Variants in KIAA1217 observed in about 807,000 individuals in gnomAD.
KIAA1217 encodes KIAA1217, also known as sickle tail protein homolog.
Under a neutral mutation model 163.9 loss-of-function variants are expected in KIAA1217, and 88 were observed. That is an observed-to-expected ratio of 0.54 (90% CI 0.45 to 0.64). The LOEUF is 0.64. KIAA1217 is among the 30% of genes least tolerant of loss of function. The pLI is 0.00. For missense variants in KIAA1217, 2,372 were observed against 2,475.0 expected (o/e 0.96, Z 0.88); for synonymous variants, 903 against 923.1 (o/e 0.98, Z 0.39).
At chr10:23,846,580 A>AT (rs1450928882) in intron 1 of KIAA1217, among the ~76,000 whole-genome samples, 1 of 152,060 alleles carries the variant, frequency 6.6e-6, no homozygotes, top group Admixed American at 6.6e-5. Context: ...TTGCACATTG[A>AT]TTTTGTATCC....
intron 3 of KIAA1217, 73 bp downstream of exon 3, chr10:24,381,140 A>G: frequency 9.2e-7 from 1 of 1,091,582 alleles, no homozygotes; most frequent in Middle Eastern, 3.1e-4. Context: ...CTGAACCTAT[A>G]CTCTTTCATT....
At chr10:23,751,294 C>G (rs1022142540) in intron 1 of KIAA1217, among the ~76,000 whole-genome samples, 4 of 152,170 alleles carry the variant, frequency 2.6e-5, no homozygotes, top group Non-Finnish European at 1.5e-5. Flanking sequence ...TTCCAAAGTG[C>G]TGGGATTACA....
chr10:23,840,730 C>T (rs1266935519), intron 1 of KIAA1217, among the ~76,000 whole-genome samples: 6 of 152,184 alleles, frequency 3.9e-5, no homozygotes, highest in South Asian at 2.1e-4. Flanking sequence ...TTGTAAGTTA[C>T]AGTACATTCT....
chr10:23,929,838 G>T (rs976210617), intron 1 of KIAA1217, among the ~76,000 whole-genome samples: 4 of 152,126 alleles, frequency 2.6e-5, no homozygotes, highest in Admixed American at 6.5e-5. Flanking sequence ...GGGTTGCTGG[G>T]TCAGATGGTA....
intron 1 of KIAA1217, among the ~76,000 whole-genome samples, chr10:23,940,324 G>C (rs574297622): frequency 8.2e-4 from 125 of 152,074 alleles, no homozygotes; most frequent in Non-Finnish European, 1.5e-3. Flanking sequence ...GCCAGGTGTG[G>C]TGGCAGGTGC....
chr10:24,202,383 C>T (rs567366657), intron 2 of KIAA1217, among the ~76,000 whole-genome samples: 1 of 152,172 alleles, frequency 6.6e-6, no homozygotes, highest in Non-Finnish European at 1.5e-5. Flanking sequence ...GAGCAAAGCT[C>T]AGGGGAGAGA....
intron 1 of KIAA1217, among the ~76,000 whole-genome samples, chr10:23,943,859 T>G (rs1211294022): frequency 6.6e-6 from 1 of 152,210 alleles, no homozygotes; most frequent in Non-Finnish European, 1.5e-5. Flanking sequence ...TACCTACACA[T>G]GACGTGGAAA....
In KIAA1217 at chr10:24,521,879, T is replaced by C. The variant is rs757859656; in HGVS notation, c.2406T>C (p.Ser802=). 1.9e-6 allele frequency: 3 copies of C among 1,613,532 alleles called. No individual in the cohort carries two copies. The Admixed American group carries it at 5.0e-5, about 27-fold the overall frequency. The change falls in exon 12 of 21, where the codon AGT becomes AGC. Residue 802 remains serine, a synonymous_variant. Transcript: ENST00000376454. Reference sequence around the variant, plus strand: ...AGGAGGAGCCACACAAGCTGGACAGTCTCCTGAAGCGTGTGCGCAGCATGA... The same window carrying C: ...AGGAGGAGCCACACAAGCTGGACAGCCTCCTGAAGCGTGTGCGCAGCATGA... ...FLKEEPHKLD[S]LLKRVRSMTD...
intron 1 of KIAA1217, among the ~76,000 whole-genome samples, chr10:23,870,069 CT>C (rs1380059945): frequency 2.6e-5 from 4 of 151,988 alleles, no homozygotes; most frequent in Admixed American, 2.0e-4. Flanking sequence ...TGAAATGTAG[CT>C]TTTTGCCTAA....
intron 2 of KIAA1217, among the ~76,000 whole-genome samples, chr10:24,065,590 G>A (rs1056333752): frequency 1.8e-4 from 28 of 152,142 alleles, no homozygotes; most frequent in Non-Finnish European, 3.5e-4. Flanking sequence ...AATAGGTGTG[G>A]TGTGGTGCTG....
intron 2 of KIAA1217, among the ~76,000 whole-genome samples, chr10:24,012,898 C>A (rs911695275): frequency 2.0e-4 from 30 of 152,086 alleles, no homozygotes; most frequent in African/African-American, 7.2e-4. Flanking sequence ...TAAATCACAT[C>A]CTAACGCATA....
chr10:23,823,576 C>T (rs948583331), intron 1 of KIAA1217, among the ~76,000 whole-genome samples: 7 of 152,056 alleles, frequency 4.6e-5, no homozygotes, highest in Non-Finnish European at 1.0e-4. Flanking sequence ...TCCCTCTTGC[C>T]ATGTAATAAA....
At chr10:23,707,630 A>G (rs779921577) in intron 1 of KIAA1217, among the ~76,000 whole-genome samples, 7 of 152,188 alleles carry the variant, frequency 4.6e-5, no homozygotes, top group East Asian at 1.9e-4. Flanking sequence ...GTTAGATACA[A>G]TGTTCACTAT....
intron 1 of KIAA1217, among the ~76,000 whole-genome samples, chr10:23,824,658 A>AAT (rs1199680251): frequency 0.032 from 1,668 of 52,796 alleles, 97 homozygotes; most frequent in Middle Eastern, 0.045. Context: ...AAATAAAAAA[A>AAT]ATATATATAT....
chr10:24,352,569 T>C (rs1296190915), intron 2 of KIAA1217, among the ~76,000 whole-genome samples: 1 of 152,186 alleles, frequency 6.6e-6, no homozygotes, highest in Non-Finnish European at 1.5e-5. Context: ...CTGCTCTGGA[T>C]TTTAGAACAA....
intron 5 of KIAA1217, among the ~76,000 whole-genome samples, chr10:24,440,563 C>T (rs552278203): frequency 1.2e-4 from 19 of 152,248 alleles, no homozygotes; most frequent in Admixed American, 4.6e-4. Context: ...CTGAGAGTAT[C>T]GAATATTGAC....
chr10:23,697,738 A>G (rs998223166), intron 1 of KIAA1217, among the ~76,000 whole-genome samples: 2 of 151,704 alleles, frequency 1.3e-5, no homozygotes, highest in South Asian at 2.1e-4. Flanking sequence ...ATTAGCTGGC[A>G]TGGTGATGTG....
chr10:24,301,027 T>C (rs764161388), intron 2 of KIAA1217, among the ~76,000 whole-genome samples: 15 of 152,138 alleles, frequency 9.9e-5, no homozygotes, highest in Admixed American at 3.3e-4. Context: ...TGGCCAAGCC[T>C]GTCTTGAACT....
chr10:24,354,664 C>T (rs2048852798), intron 2 of KIAA1217, among the ~76,000 whole-genome samples: 1 of 151,092 alleles, frequency 6.6e-6, no homozygotes, highest in South Asian at 2.1e-4. Context: ...GTTCAGCCAT[C>T]CTGAAGCCAA....
Sources: gnomAD v4.1 joint callset for allele counts (sites outside exome capture counted in the v4.1 genomes callset) on GRCh38, gnomAD v4.1.1 for gene constraint, MANE v1.5 for transcripts, NCBI Gene and HGNC (gene_info 2026-07-23, HGNC 2026-07-21) for gene names.